DDX23: variants seen among roughly 807,000 people sequenced by gnomAD.
DDX23 encodes DEAD-box helicase 23.
DDX23 carries 33 observed loss-of-function variants against 102.7 expected under a neutral mutation model. The ratio of observed to expected loss-of-function variants is 0.32; its 90% CI spans 0.24 to 0.43. DDX23 has a LOEUF of 0.43. Among genes scored for constraint, DDX23 ranks in the 20% least tolerant of loss-of-function variants. DDX23 has a pLI of 1.00. For synonymous variants in DDX23, 352 were observed against 376.0 expected (o/e 0.94, Z 0.74); for missense variants, 549 against 1,086.6 (o/e 0.51, Z 6.96).
In DDX23 at chr12:48,830,764, C is replaced by T; in HGVS notation, c.2240-72G>A. 7.1e-7 allele frequency: 1 copy of T among 1,406,060 alleles called. No individual in the cohort carries two copies. The highest frequency in any genetic ancestry group is 1.8e-4 in the Middle Eastern group (1 of 5,416). The allele number at this position is 1,406,060 out of a possible 1,614,324, so 87.1% of individuals were successfully genotyped here. A position where few individuals can be genotyped will look rare whatever the true frequency, so the allele number is the denominator to read the frequency against. ...GGAGCCGTGTCTGATGCCTCCACTT[C>T]TAGAGGCATCCTTCCCACCCCATCT... On this transcript the variant is annotated intron_variant, in intron 16 of 16. Coordinates refer to ENST00000308025, the MANE Select transcript of DDX23 (RefSeq NM_004818.3). The surrounding 1 kb of genome is among the most constrained non-coding windows in gnomAD (Gnocchi z 4.9).
chr12:48,841,123 C>A (rs956173857), intron 3 of DDX23, among the ~76,000 whole-genome samples: 1 of 152,082 alleles, frequency 6.6e-6, no homozygotes, highest in African/African-American at 2.4e-5. Context: ...CAATGGCTCA[C>A]GCCTGTAATC....
chr12:48,849,178 C>G (rs1938717487), intron 1 of DDX23, among the ~76,000 whole-genome samples: 1 of 152,004 alleles, frequency 6.6e-6, no homozygotes, highest in African/African-American at 2.4e-5. Context: ...AGGTGTGAGC[C>G]CAACTACACG....
intron 1 of DDX23, among the ~76,000 whole-genome samples, chr12:48,848,484 A>G (rs1454557024): frequency 6.6e-6 from 1 of 152,198 alleles, no homozygotes; most frequent in African/African-American, 2.4e-5. Flanking sequence ...ATTTAAGCTG[A>G]GACTTGAATG....
chr12:48,837,777 G>A, intron 6 of DDX23, 120 bp from the exon 7 acceptor site: 1 of 1,534,564 alleles, frequency 6.5e-7, no homozygotes, highest in Non-Finnish European at 8.8e-7. Flanking sequence ...TTATGATATG[G>A]GGTAAATGGA....
intron 3 of DDX23, among the ~76,000 whole-genome samples, chr12:48,843,409 A>G (rs1026135624): frequency 5.3e-5 from 8 of 151,782 alleles, no homozygotes. Flanking sequence ...AGGCTGCAGT[A>G]AGTTGTGATC....
rs1490224080 is a variant in DDX23 at position 48,845,603 on chromosome 12, G to GCGAGAA, written c.174_179dup (p.Arg64_Ser65dup). 6.2e-7 allele frequency: 1 copy of GCGAGAA among 1,614,244 alleles called. No individual in the cohort carries two copies. The highest frequency in any genetic ancestry group is 1.3e-5 in the African/African-American group (1 of 75,070). On this transcript the variant is annotated inframe_insertion, in exon 2 of 17. Transcript: ENST00000308025. Reference sequence around the variant, plus strand: ...CTGCAGATTTGGAACGGGAACGAGAGCGAGAACGGCTGCCTCCTCGACGTC... The same window carrying GCGAGAA: ...CTGCAGATTTGGAACGGGAACGAGAGCGAGAACGAGAACGGCTGCCTCCTCGACGTC...
chr12:48,842,515 G>A (rs1311583979), intron 3 of DDX23, among the ~76,000 whole-genome samples: 4 of 135,972 alleles, frequency 2.9e-5, no homozygotes, highest in African/African-American at 2.9e-5. Flanking sequence ...TCAGCCCCCC[G>A]CCCGGCCAGC....
chr12:48,830,836 C>T lies in DDX23; in HGVS notation c.2240-144G>A. On this transcript the variant is annotated intron_variant, in intron 16 of 16. Coordinates refer to ENST00000308025, the MANE Select transcript of DDX23 (RefSeq NM_004818.3). The surrounding 1 kb of genome is among the most constrained non-coding windows in gnomAD (Gnocchi z 4.9). ...ATGCTGCCTGAACCTGAGGCGCCCACAGTGCCCTCTCCAGGTGCCCATCTC... is the reference window on the plus strand; with the variant it reads ...ATGCTGCCTGAACCTGAGGCGCCCATAGTGCCCTCTCCAGGTGCCCATCTC... The T allele has an allele frequency of 2.3e-6, 2 of 876,402 alleles. No homozygotes were observed. The highest frequency in any genetic ancestry group is 3.4e-6 in the Non-Finnish European group (2 of 582,752). 54.3% of individuals were successfully genotyped at this position (876,402 alleles called of 1,614,324 possible).
In DDX23 at chr12:48,839,992, AAT is replaced by A. The variant is rs1395582303; in HGVS notation, c.414+19_414+20del. On this transcript the variant is annotated intron_variant, in intron 4 of 16. Coordinates refer to ENST00000308025, the MANE Select transcript of DDX23 (RefSeq NM_004818.3). Reference sequence around the variant, plus strand: ...AGCAACGCACGAGTTGAAGATGAAAAATATCCTTCCTCTCCTTTACCTTAGGC... The same window carrying A: ...AGCAACGCACGAGTTGAAGATGAAAAATCCTTCCTCTCCTTTACCTTAGGC... The A allele has an allele frequency of 1.1e-5, 18 of 1,612,516 alleles. No homozygotes were observed. The highest frequency in any genetic ancestry group is 1.5e-5 in the Non-Finnish European group (18 of 1,178,600).
At chr12:48,837,441 T>C in intron 7 of DDX23, 48 bp from the exon 8 acceptor site, 1 of 1,612,142 alleles carries the variant, frequency 6.2e-7, no homozygotes, top group African/African-American at 1.3e-5. Flanking sequence ...GGCCCAATTC[T>C]CACATGCAGA....
chr12:48,833,345 T>TG lies in DDX23; in HGVS notation c.1734dup (p.Thr579HisfsTer3). The TG allele has an allele frequency of 6.2e-7, 1 of 1,614,176 alleles. No individual in the cohort carries two copies. Among genetic ancestry groups the TG allele is most frequent in the Non-Finnish European group, 8.5e-7 (1 of 1,180,036 alleles). Reference sequence around the variant, plus strand: ...TTCTCAGGGTCCTCAGCCTCATCCGTGTCTGGCTTCTGGTTGCTGACAGGC... The same window carrying TG: ...TTCTCAGGGTCCTCAGCCTCATCCGTGGTCTGGCTTCTGGTTGCTGACAGGC... On this transcript the variant is annotated frameshift_variant, in exon 13 of 17. Coordinates refer to ENST00000308025, the MANE Select transcript of DDX23 (RefSeq NM_004818.3). LOFTEE classifies it high-confidence loss of function.
Position 48,832,818 on chromosome 12 carries a change from G to C in DDX23, c.1804-245C>G, listed in dbSNP as rs186648845. 3.6e-6 allele frequency: 2 copies of C among 548,990 alleles called. No homozygotes were observed. Among genetic ancestry groups the C allele is most frequent in the East Asian group, 3.2e-5 (1 of 31,638 alleles). The allele number at this position is 548,990 out of a possible 1,614,324, so 34.0% of individuals were successfully genotyped here. The stretch of plus-strand genomic sequence containing the variant: ...AGCATTTGCTAGCACCTGTGGTCCC[G>C]GTAGCAGCATGAGTCTTTGGAATCG... On this transcript the variant is annotated intron_variant, in intron 13 of 16. Coordinates refer to ENST00000308025, the MANE Select transcript of DDX23 (RefSeq NM_004818.3). The surrounding 1 kb of genome is among the most constrained non-coding windows in gnomAD (Gnocchi z 4.4).
Position 48,845,308 on chromosome 12 carries a change from G to A in DDX23, c.209+266C>T, listed in dbSNP as rs146784785. The stretch of plus-strand genomic sequence containing the variant: ...TACTAAAAATACAAAAACATTAGCC[G>A]GGCATGGTGTCGGGCGCCTGTAGTC... On this transcript the variant is annotated intron_variant, in intron 2 of 16. Transcript: ENST00000308025. 7.8e-3 allele frequency among the ~76,000 whole-genome samples: 1,180 copies of A among 152,006 alleles called. 12 individuals carry two copies. Among genetic ancestry groups the A allele is most frequent in the African/African-American group, 0.01 (429 of 41,468 alleles).
chr12:48,831,449 GAA>G (rs1938385212), intron 15 of DDX23, 133 bp from the exon 16 acceptor site: 7 of 848,392 alleles, frequency 8.3e-6, no homozygotes, highest in Non-Finnish European at 1.1e-5. Context: ...GGAAACAAGA[GAA>G]TGATTGCAGT....
At position 48,837,365 on chromosome 12, in the gene DDX23, C is replaced by T. The variant is rs2137485046; in HGVS notation, c.782G>A (p.Arg261Gln). 1.9e-6 allele frequency: 3 copies of T among 1,614,206 alleles called. No homozygotes were observed. Among genetic ancestry groups the T allele is most frequent in the Non-Finnish European group, 1.7e-6 (2 of 1,180,052 alleles). The stretch of plus-strand genomic sequence containing the variant: ...GTCATTGAGATGTCTCGTTCGGCGC[C>T]GCTTTTTGATGCCACCCAGGTAACG... ...KERYLGGIKKRRRTRHLNDRK... is the reference protein window; with the variant it reads ...KERYLGGIKKQRRTRHLNDRK... The change falls in exon 8 of 17, where the codon CGG becomes CAG. Residue 261 changes from arginine to glutamine, a missense_variant. Arg to Gln is a conservative substitution (Grantham distance 43). Transcript: ENST00000308025.
Position 48,833,301 on chromosome 12 carries a change from C to T in DDX23, c.1779G>A (p.Glu593=). The T allele has an allele frequency of 6.2e-7, 1 of 1,614,214 alleles. No individual in the cohort carries two copies. Among genetic ancestry groups the T allele is most frequent in the Non-Finnish European group, 8.5e-7 (1 of 1,180,044 alleles). Residue 593 remains glutamate (E), a synonymous_variant, in exon 13 of 17, where the codon GAG becomes GAA. Transcript: ENST00000308025. ...CTTGGCGGTACTTATGTTTTCCCGA[C>T]TCAAAGTTGGCCAGCATCTTCTCAG... ...EDPEKMLANF[E]SGKHKYRQTV...
chr12:48,848,301 CA>C (rs1162953994), intron 1 of DDX23, among the ~76,000 whole-genome samples: 1 of 135,628 alleles, frequency 7.4e-6, no homozygotes, highest in Non-Finnish European at 1.7e-5. Flanking sequence ...CAAAACAAAA[CA>C]AAAAACAAAA....
In DDX23 at chr12:48,836,757, G is replaced by T; in HGVS notation, c.1048C>A (p.Gln350Lys). The T allele has an allele frequency of 6.2e-7, 1 of 1,614,170 alleles. No homozygotes were observed. The highest frequency in any genetic ancestry group is 8.5e-7 in the Non-Finnish European group (1 of 1,180,030). Residue 350 changes from glutamine to lysine, a missense_variant, in exon 10 of 17, where the codon CAG becomes AAG. Physicochemically the swap from Gln to Lys is moderately conservative, Grantham distance 53. Around this residue, in one of 4 missense-constraint regions of DDX23, gnomAD observed 270 missense variants for 707.0 expected, o/e 0.38. Coordinates refer to ENST00000308025, the MANE Select transcript of DDX23 (RefSeq NM_004818.3). This position sits in a 1 kb window ranked among gnomAD's most constrained non-coding sequence, Gnocchi z 6.1. ...GACCAATGACGATCATCCCAGCGCT[G>T]CTTGGCTTCCTTCTTACGAAGTTTG... ...LRKLRKKEAK[Q>K]RWDDRHWSQK... is the part of the protein sequence containing the mutation.
chr12:48,841,606 G>A (rs1385046397), intron 3 of DDX23, among the ~76,000 whole-genome samples: 3 of 152,248 alleles, frequency 2.0e-5, no homozygotes, highest in Non-Finnish European at 4.4e-5. Flanking sequence ...GATTGCAGGC[G>A]TGCGCCGCCA....
Sources: gnomAD v4.1 joint callset for allele counts (sites outside exome capture counted in the v4.1 genomes callset) on GRCh38, gnomAD v4.1.1 for gene constraint, gnomAD v4.1.1 regional missense constraint, Gnocchi (gnomAD v3.1) non-coding constraint, MANE v1.5 for transcripts, NCBI Gene and HGNC (gene_info 2026-07-23, HGNC 2026-07-21) for gene names.